The following GTPBP4 variants were observed in gnomAD, a reference collection of about 807,000 sequenced individuals.
The protein encoded by GTPBP4 is GTP binding protein 4, also known as GTP-binding protein 4.
GTPBP4 carries 15 observed loss-of-function variants against 81.7 expected under a neutral mutation model. The ratio of observed to expected loss-of-function variants is 0.18; its 90% CI spans 0.12 to 0.28. GTPBP4 has a LOEUF of 0.28. Ranked by LOEUF, GTPBP4 falls within the 10% of genes least tolerant of loss-of-function variation. The probability of loss-of-function intolerance (pLI) is 1.00; values close to 1 mark genes in which losing one functional copy is unlikely to be tolerated. For synonymous variants in GTPBP4, 272 were observed against 274.6 expected (o/e 0.99, Z 0.09); for missense variants, 847 against 793.8 (o/e 1.07, Z -0.81).
intron 6 of GTPBP4, among the ~76,000 whole-genome samples, chr10:1,000,473 G>A (rs548077463): frequency 1.3e-4 from 20 of 151,634 alleles, no homozygotes; most frequent in East Asian, 7.7e-4. Context: ...TCCTGACCTC[G>A]TGATCCACCC....
At chr10:991,797 G>A (rs35249079) in intron 1 of GTPBP4, among the ~76,000 whole-genome samples, 1 of 144,066 alleles carries the variant, frequency 6.9e-6, no homozygotes, top group Non-Finnish European at 1.5e-5. Flanking sequence ...CCGGGTTCAC[G>A]CCATTCTCCT....
chr10:1,014,417 G>C, intron 15 of GTPBP4, 105 bp downstream of exon 15: 1 of 790,050 alleles, frequency 1.3e-6, no homozygotes, highest in East Asian at 2.8e-5. Flanking sequence ...AGCACTTTGG[G>C]AGGCCAAGGC....
chr10:1,007,145 G>A lies in GTPBP4; in HGVS notation c.1113+17G>A. 1 of 1,370,546 alleles carries A rather than the reference G, an allele frequency of 7.3e-7. No homozygotes were observed. Among genetic ancestry groups the A allele is most frequent in the Non-Finnish European group, 1.0e-6 (1 of 957,980 alleles). 84.9% of individuals were successfully genotyped at this position (1,370,546 alleles called of 1,614,324 possible). The stretch of plus-strand genomic sequence containing the variant: ...GACGATAAGGTAAGACGGCCCCTGG[G>A]ACAGCCGTGGGCTCACAGTACTGTC... On this transcript the variant is annotated intron_variant, in intron 10 of 16. Transcript: ENST00000360803.
intron 2 of GTPBP4, among the ~76,000 whole-genome samples, chr10:993,664 C>T (rs759549327): frequency 2.6e-5 from 4 of 152,222 alleles, no homozygotes; most frequent in Admixed American, 6.5e-5. Context: ...TTGTGAAGGG[C>T]GTGGGGATCA....
At chr10:1,012,152 C>T (rs1052995450) in intron 13 of GTPBP4, among the ~76,000 whole-genome samples, 11 of 152,144 alleles carry the variant, frequency 7.2e-5, no homozygotes, top group African/African-American at 2.2e-4. Context: ...GTGTGTCTGC[C>T]GGGAGCATTG....
intron 10 of GTPBP4, among the ~76,000 whole-genome samples, chr10:1,007,578 T>C (rs557846855): frequency 3.3e-5 from 5 of 152,268 alleles, no homozygotes; most frequent in African/African-American, 1.2e-4. Flanking sequence ...CTATAAAAAA[T>C]AAATAAAATA....
At position 1,004,656 on chromosome 10, in the gene GTPBP4, A is replaced by G. The variant is rs370896754; in HGVS notation, c.913-1162A>G. Among the ~76,000 whole-genome samples the G allele has an allele frequency of 1.1e-4, 16 of 152,304 alleles. 1 individual carries two copies. In the East Asian group the frequency reaches 2.9e-3, roughly 28 times the overall value. On this transcript the variant is annotated intron_variant, in intron 8 of 16. Transcript: ENST00000360803. ...CAGCAGGGAGACAACGTTCCCTGAGAGGCCACGGTGCTATTTACCAGGAGG... is the reference window on the plus strand; with the variant it reads ...CAGCAGGGAGACAACGTTCCCTGAGGGGCCACGGTGCTATTTACCAGGAGG...
chr10:1,010,775 G>A (rs1347666801), intron 13 of GTPBP4, among the ~76,000 whole-genome samples: 4 of 135,576 alleles, frequency 3.0e-5, no homozygotes, highest in Non-Finnish European at 6.2e-5. Context: ...TGGTGGAGAT[G>A]CTGGGCCCCT....
rs544265211 is a variant in GTPBP4, at chr10:1,012,352, A to G, written c.1345-113A>G. ...GCCCAGGTGGGTCTGGACCAGGGCA[A>G]TCGCTCTCCTCTGAGTCAGGGAAAC... On this transcript the variant is annotated intron_variant, in intron 13 of 16. Transcript: ENST00000360803. 47 of 712,038 alleles carry G rather than the reference A, an allele frequency of 6.6e-5. No homozygotes were observed. In the East Asian group the frequency reaches 1.1e-3, roughly 17 times the overall value. The allele number at this position is 712,038 out of a possible 1,614,324, so 44.1% of individuals were successfully genotyped here. A position where few individuals can be genotyped will look rare whatever the true frequency, so the allele number is the denominator to read the frequency against.
At position 1,005,922 on chromosome 10, in the gene GTPBP4, A is replaced by T. The variant is rs1554816600; in HGVS notation, c.1002+15A>T. On this transcript the variant is annotated intron_variant, in intron 9 of 16. Coordinates refer to ENST00000360803, the MANE Select transcript of GTPBP4 (RefSeq NM_012341.3). ...TTAAAACAGAGGTCAGTGCTGCCTT[A>T]AGTCAGGTATTAGTCTTTTTACTGT... 1 of 1,336,444 alleles carries T rather than the reference A, an allele frequency of 7.5e-7. No homozygotes were observed. The highest frequency in any genetic ancestry group is 1.3e-5 in the South Asian group (1 of 77,562). The allele number at this position is 1,336,444 out of a possible 1,614,324, so 82.8% of individuals were successfully genotyped here. A position where few individuals can be genotyped will look rare whatever the true frequency, so the allele number is the denominator to read the frequency against.
In GTPBP4 at chr10:992,574, A is replaced by G. The variant is rs200777090; in HGVS notation, c.134A>G (p.His45Arg). The G allele has an allele frequency of 1.7e-4, 267 of 1,600,314 alleles. 1 individual carries two copies. Among genetic ancestry groups the G allele is most frequent in the Non-Finnish European group, 2.2e-4 (252 of 1,167,832 alleles). Residue 45 changes from histidine (H) to arginine (R), a missense_variant, in exon 2 of 17, where the codon CAT (histidine) becomes CGT (arginine). Physicochemically the swap from His to Arg is conservative, Grantham distance 29 (BLOSUM62 0). Transcript: ENST00000360803. ...CATTACCAAATACATCGCATTAGAC[A>G]TTTTTACATGAGAAAAGTCAAATTT... ...HKHYQIHRIR[H>R]FYMRKVKFTQ...
At position 999,059 on chromosome 10, in the gene GTPBP4, T is replaced by A; in HGVS notation, c.618T>A (p.Phe206Leu). ...QPYAFTTKSL[F>L]VGHMDYKYLR... ...ATGCGTTCACAACCAAGTCTCTGTT[T>A]GTTGGGCACATGGATTATAAGTATC... Residue 206 changes from phenylalanine (F) to leucine (L), a missense_variant, in exon 6 of 17, where the codon TTT (phenylalanine) becomes TTA (leucine). By Grantham distance (22) the Phe-to-Leu change is conservative. Transcript: ENST00000360803. 6.2e-7 allele frequency: 1 copy of A among 1,604,790 alleles called. No individual in the cohort carries two copies. Among genetic ancestry groups the A allele is most frequent in the Non-Finnish European group, 8.5e-7 (1 of 1,171,468 alleles).
In GTPBP4 at chr10:1,017,143, G is replaced by C. The variant is rs1213478665; in HGVS notation, c.1821G>C (p.Gly607=). The C allele has an allele frequency of 6.2e-7, 1 of 1,613,818 alleles. No homozygotes were observed. The highest frequency in any genetic ancestry group is 1.1e-5 in the South Asian group (1 of 91,072). The change falls in exon 17 of 17, where the codon GGG becomes GGC. Residue 607 remains glycine (G), a synonymous_variant. Transcript: ENST00000360803. ...QKKMNRLGKK[G]EADRHVFDMK... is the part of the protein sequence containing the mutation. Reference sequence around the variant, plus strand: ...AGATGAATCGGTTGGGGAAGAAAGGGGAGGCGGATAGACACGTGTTTGATA... The same window carrying C: ...AGATGAATCGGTTGGGGAAGAAAGGCGAGGCGGATAGACACGTGTTTGATA...
chr10:1,009,995 A>C (rs1374671306), intron 12 of GTPBP4, among the ~76,000 whole-genome samples: 1 of 117,946 alleles, frequency 8.5e-6, no homozygotes, highest in Non-Finnish European at 2.0e-5. Flanking sequence ...ACTCTGTCTC[A>C]AAGAAAGGTG....
At chr10:1,016,496 C>G (rs182001360) in intron 16 of GTPBP4, among the ~76,000 whole-genome samples, 1 of 152,372 alleles carries the variant, frequency 6.6e-6, no homozygotes, top group Admixed American at 6.5e-5. Context: ...AAACTGCAGT[C>G]TCCTTCATGG....
In GTPBP4 at chr10:1,000,875, G is replaced by T; in HGVS notation, c.846+7G>T. 3 of 1,612,140 alleles carry T rather than the reference G, an allele frequency of 1.9e-6. No homozygotes were observed. The highest frequency in any genetic ancestry group is 1.7e-5 in the Admixed American group (1 of 59,974). ...ACCTCTCTTCATCAACAAGGTGTGTGTGGTCACTCATGTTTTGCTTCATAT... is the reference window on the plus strand; with the variant it reads ...ACCTCTCTTCATCAACAAGGTGTGTTTGGTCACTCATGTTTTGCTTCATAT... On this transcript the variant is annotated splice_region_variant and intron_variant, in intron 7 of 16. Transcript: ENST00000360803.
chr10:1,007,050 A>G lies in GTPBP4; in HGVS notation c.1035A>G (p.Glu345=), dbSNP rs77207816. 1,269 of 1,613,232 alleles carry G rather than the reference A, an allele frequency of 7.9e-4. 9 individuals carry two copies. The African/African-American group carries it at 0.015, about 19-fold the overall frequency. ...ATAGGCTTTTGGCTCATCGAGTGGA[A>G]ACCAAAATGAAGGGAAATAAAGTGA... is the stretch of plus-strand genomic sequence containing the variant. ...ACDRLLAHRV[E]TKMKGNKVNE... Residue 345 remains glutamate, a synonymous_variant, in exon 10 of 17, where the codon GAA becomes GAG. Coordinates refer to ENST00000360803, the MANE Select transcript of GTPBP4 (RefSeq NM_012341.3).
chr10:992,930 C>T (rs901399590), intron 2 of GTPBP4, among the ~76,000 whole-genome samples: 5 of 152,150 alleles, frequency 3.3e-5, no homozygotes, highest in African/African-American at 7.2e-5. Context: ...CTGTGTAAAC[C>T]CTGGGCTTGC....
At chr10:990,869 G>C (rs1156895610) in intron 1 of GTPBP4, among the ~76,000 whole-genome samples, 1 of 151,336 alleles carries the variant, frequency 6.6e-6, no homozygotes, top group African/African-American at 2.4e-5. Flanking sequence ...GAGTCAGGGG[G>C]AACCTTATGA....
Sources: allele counts gnomAD v4.1 joint callset (sites outside exome capture counted in the v4.1 genomes callset), GRCh38; gene constraint gnomAD v4.1.1; transcripts MANE v1.5; gene names NCBI Gene and HGNC (gene_info 2026-07-23, HGNC 2026-07-21).